CIROZ: variants seen among roughly 807,000 people sequenced by gnomAD.
CIROZ encodes ciliated left-right organizer protein containing ZP-N domains, also known as ciliated left-right organizer ZP-N domains-containing protein.
At chr1:10,970,057 A>C in the CIROZ span, 2 of 1,536,186 alleles carry the variant, frequency 1.3e-6, no homozygotes, top group Non-Finnish European at 1.7e-6. Context: ...TCTGAGAAGC[A>C]CTCAACTGTG....
the CIROZ span, chr1:10,954,999 G>C: frequency 5.6e-6 from 9 of 1,603,408 alleles, no homozygotes; most frequent in South Asian, 9.9e-5. Flanking sequence ...CCTGGACCTG[G>C]AGCACCCCGG....
chr1:10,968,717 G>A, the CIROZ span, among the ~76,000 whole-genome samples: 1 of 152,208 alleles, frequency 6.6e-6, no homozygotes, highest in South Asian at 2.1e-4. Context: ...GCTGCCACGT[G>A]AAATGAAAAC....
At chr1:10,971,923 A>C in the CIROZ span, among the ~76,000 whole-genome samples, 1 of 152,174 alleles carries the variant, frequency 6.6e-6, no homozygotes, top group African/African-American at 2.4e-5. Flanking sequence ...AAGAGAAGCC[A>C]TGACCCAGAG....
chr1:10,977,437 C>T, the CIROZ span, among the ~76,000 whole-genome samples: 108 of 152,012 alleles, frequency 7.1e-4, 2 homozygotes, highest in African/African-American at 2.6e-3. Flanking sequence ...GAGATGAGAT[C>T]ACGCCACTGC....
the CIROZ span, among the ~76,000 whole-genome samples, chr1:10,969,699 T>G: frequency 6.6e-6 from 1 of 152,178 alleles, no homozygotes; most frequent in South Asian, 2.1e-4. Context: ...CTCACAGTGC[T>G]GCCTTCTGTT....
the CIROZ span, chr1:10,956,980 T>A: frequency 3.3e-6 from 5 of 1,498,200 alleles, no homozygotes; most frequent in Non-Finnish European, 4.5e-6. Flanking sequence ...CAGAATGTGA[T>A]GAAGTTGGAA....
chr1:10,974,819 C>T, the CIROZ span, among the ~76,000 whole-genome samples: 1 of 152,212 alleles, frequency 6.6e-6, no homozygotes, highest in South Asian at 2.1e-4. The surrounding 1 kb of genome is among the most constrained non-coding windows in gnomAD (Gnocchi z 4.4). Context: ...ATAAGTAACA[C>T]AGCTTTTCTG....
chr1:10,960,790 G>T, the CIROZ span, among the ~76,000 whole-genome samples: 1 of 152,226 alleles, frequency 6.6e-6, no homozygotes, highest in Non-Finnish European at 1.5e-5. This position sits in a 1 kb window ranked among gnomAD's most constrained non-coding sequence, Gnocchi z 4.6. Flanking sequence ...CAAGGGCAAG[G>T]CCGGTGAAAC....
the CIROZ span, among the ~76,000 whole-genome samples, chr1:10,972,420 T>TACACACACACACACAC: frequency 2.3e-4 from 30 of 131,720 alleles, no homozygotes; most frequent in African/African-American, 5.8e-4. Flanking sequence ...GTCTCTGAAA[T>TACACACACACACACAC]ACACACACAC....
chr1:10,949,725 C>T, the CIROZ span: 5 of 1,593,674 alleles, frequency 3.1e-6, no homozygotes, highest in South Asian at 1.1e-5. Context: ...GCAGGTGGCA[C>T]TCCCGCTGGA....
chr1:10,957,180 G>C, the CIROZ span: 2 of 1,256,864 alleles, frequency 1.6e-6, no homozygotes, highest in Non-Finnish European at 1.1e-6. Flanking sequence ...CTCCACAGGG[G>C]CCCCCTCTCC....
chr1:10,948,990 C>T, the CIROZ span: 5 of 696,080 alleles, frequency 7.2e-6, no homozygotes, highest in African/African-American at 9.0e-5. Flanking sequence ...AATAGGAGGC[C>T]AAGGCGGGTG....
At chr1:10,948,637 C>A in the CIROZ span, 1 of 1,613,768 alleles carries the variant, frequency 6.2e-7, no homozygotes, top group African/African-American at 1.3e-5. Flanking sequence ...GTTGGCAAGA[C>A]TGGACGTGGC....
chr1:10,951,098 T>C, the CIROZ span, among the ~76,000 whole-genome samples: 3 of 152,070 alleles, frequency 2.0e-5, no homozygotes, highest in Non-Finnish European at 4.4e-5. Flanking sequence ...ACATTCCCCG[T>C]CCCACCCCGA....
At chr1:10,968,577 C>T in the CIROZ span, among the ~76,000 whole-genome samples, 1 of 152,170 alleles carries the variant, frequency 6.6e-6, no homozygotes, top group African/African-American at 2.4e-5. Flanking sequence ...TGACCTGGAT[C>T]GTTTTAGTTT....
At chr1:10,957,175 C>T in the CIROZ span, 1 of 1,291,836 alleles carries the variant, frequency 7.7e-7, no homozygotes, top group Non-Finnish European at 1.1e-6. Flanking sequence ...ACTCCCTCCA[C>T]AGGGGCCCCC....
At chr1:10,965,697 C>A in the CIROZ span, among the ~76,000 whole-genome samples, 1 of 151,942 alleles carries the variant, frequency 6.6e-6, no homozygotes, top group East Asian at 1.9e-4. Flanking sequence ...CCGCCTTTAC[C>A]AAGTAGTCTC....
chr1:10,961,576 G>A, the CIROZ span, among the ~76,000 whole-genome samples: 1 of 152,276 alleles, frequency 6.6e-6, no homozygotes, highest in Non-Finnish European at 1.5e-5. Context: ...GCTCTTCCTG[G>A]GGCAAGTCAT....
At chr1:10,963,911 A>G in the CIROZ span, among the ~76,000 whole-genome samples, 1 of 151,820 alleles carries the variant, frequency 6.6e-6, no homozygotes. Context: ...CTCCCCTCCC[A>G]TCTCACTCGT....
Sources: allele counts gnomAD v4.1 joint callset (sites outside exome capture counted in the v4.1 genomes callset), GRCh38; gene constraint gnomAD v4.1.1; non-coding constraint Gnocchi (gnomAD v3.1); transcripts MANE v1.5; gene names NCBI Gene and HGNC (gene_info 2026-07-23, HGNC 2026-07-21).